Variants in CFAP107 observed in about 807,000 individuals in gnomAD.
CFAP107 encodes the protein cilia and flagella associated protein 107, also known as cilia- and flagella-associated protein 107.
the CFAP107 span, chr1:12,763,351 A>T: frequency 1.3e-5 from 2 of 152,276 alleles, no homozygotes; most frequent in African/African-American, 2.4e-5. Context: ...AAAGTAAAGG[A>T]TGTCATGAGA....
chr1:12,746,960 A>G, the CFAP107 span, among the ~76,000 whole-genome samples: 1 of 152,082 alleles, frequency 6.6e-6, no homozygotes, highest in African/African-American at 2.4e-5. Flanking sequence ...TTCCCAGAAT[A>G]TGGTATCTCC....
chr1:12,757,035 T>C, the CFAP107 span, among the ~76,000 whole-genome samples: 5 of 152,240 alleles, frequency 3.3e-5, no homozygotes, highest in African/African-American at 1.2e-4. Context: ...GCTGATGCTC[T>C]GGGGCTGCTG....
the CFAP107 span, among the ~76,000 whole-genome samples, chr1:12,747,738 G>T: frequency 3.3e-5 from 5 of 152,310 alleles, no homozygotes; most frequent in South Asian, 2.1e-4. Flanking sequence ...TGGTGAGCAG[G>T]TGTGTGCAAG....
At chr1:12,761,043 A>C in the CFAP107 span, 19 of 1,279,878 alleles carry the variant, frequency 1.5e-5, no homozygotes, top group Non-Finnish European at 1.8e-5. Flanking sequence ...AGATAAACTC[A>C]GAGTACGAGA....
the CFAP107 span, among the ~76,000 whole-genome samples, chr1:12,748,191 C>A: frequency 2.0e-5 from 3 of 152,112 alleles, no homozygotes; most frequent in African/African-American, 4.8e-5. Flanking sequence ...CTGTCTGGGG[C>A]TGCCTGAGGG....
chr1:12,751,782 T>C, the CFAP107 span, among the ~76,000 whole-genome samples: 1 of 152,180 alleles, frequency 6.6e-6, no homozygotes, highest in Non-Finnish European at 1.5e-5. Context: ...ATTACCAACT[T>C]TTTTCTGACA....
chr1:12,755,609 C>A, the CFAP107 span: 1 of 831,698 alleles, frequency 1.2e-6, no homozygotes. Flanking sequence ...TTTCCCTACC[C>A]ATCTTCTGAT....
the CFAP107 span, chr1:12,761,965 C>G: frequency 6.6e-6 from 1 of 152,252 alleles, no homozygotes; most frequent in Non-Finnish European, 1.5e-5. Flanking sequence ...CACAAGTGTG[C>G]ATGCTCAGTG....
the CFAP107 span, among the ~76,000 whole-genome samples, chr1:12,757,368 T>TC: frequency 1.1e-5 from 1 of 88,996 alleles, no homozygotes; most frequent in Non-Finnish European, 2.4e-5. Context: ...TTTCTTTTTC[T>TC]TTTTTTTCCT....
At chr1:12,754,637 A>G in the CFAP107 span, among the ~76,000 whole-genome samples, 1 of 152,378 alleles carries the variant, frequency 6.6e-6, no homozygotes, top group Admixed American at 6.5e-5. Context: ...TGGATAAACA[A>G]AACATGGTGT....
chr1:12,748,461 TAA>T, the CFAP107 span, among the ~76,000 whole-genome samples: 28 of 121,998 alleles, frequency 2.3e-4, no homozygotes, highest in African/African-American at 4.3e-4. Flanking sequence ...GTAGGGGAAT[TAA>T]AAAAAAAAAA....
chr1:12,746,395 G>T, the CFAP107 span: 2 of 1,547,532 alleles, frequency 1.3e-6, no homozygotes, highest in Admixed American at 3.3e-5. Flanking sequence ...GCCTTAAACT[G>T]CATCAAGTCA....
the CFAP107 span, chr1:12,760,753 C>T: frequency 6.2e-7 from 1 of 1,610,088 alleles, no homozygotes; most frequent in Non-Finnish European, 8.5e-7. Context: ...TCAACTGGAC[C>T]CTGGTTTCTC....
At chr1:12,751,989 G>A in the CFAP107 span, among the ~76,000 whole-genome samples, 2 of 152,140 alleles carry the variant, frequency 1.3e-5, no homozygotes, top group African/African-American at 4.8e-5. Flanking sequence ...ACAAAGGAAA[G>A]CCTAAGACCA....
At chr1:12,748,940 A>G in the CFAP107 span, among the ~76,000 whole-genome samples, 1 of 152,204 alleles carries the variant, frequency 6.6e-6, no homozygotes, top group Non-Finnish European at 1.5e-5. Context: ...TGAAAAATTC[A>G]ATAGAGGGAT....
chr1:12,754,420 G>T, the CFAP107 span, among the ~76,000 whole-genome samples: 26 of 152,302 alleles, frequency 1.7e-4, no homozygotes, highest in Admixed American at 9.8e-4. Flanking sequence ...TGCCCTAAAT[G>T]GTACTGCCAC....
chr1:12,757,137 A>T, the CFAP107 span, among the ~76,000 whole-genome samples: 1 of 152,162 alleles, frequency 6.6e-6, no homozygotes, highest in Admixed American at 6.5e-5. Flanking sequence ...CTCAGCCTCT[A>T]ACCATCCATG....
the CFAP107 span, among the ~76,000 whole-genome samples, chr1:12,753,056 G>A: frequency 6.6e-6 from 1 of 152,088 alleles, no homozygotes; most frequent in Admixed American, 6.6e-5. Flanking sequence ...TGCAAAAGTT[G>A]ATTGTGTTTG....
At chr1:12,759,340 C>G in the CFAP107 span, 2 of 1,614,138 alleles carry the variant, frequency 1.2e-6, no homozygotes, top group Non-Finnish European at 8.5e-7. Context: ...GATCACCCAC[C>G]ACCAGGAGCC....
Sources: gnomAD v4.1 joint callset for allele counts (sites outside exome capture counted in the v4.1 genomes callset) on GRCh38, gnomAD v4.1.1 for gene constraint, MANE v1.5 for transcripts, NCBI Gene and HGNC (gene_info 2026-07-23, HGNC 2026-07-21) for gene names.